DENND2C: variants seen among roughly 807,000 people sequenced by gnomAD.
DENND2C encodes the protein DENN domain containing 2C.
In DENND2C, 72 loss-of-function variants were observed where a neutral mutation model predicts 112.4. The observed-to-expected ratio is 0.64, with a 90% confidence interval of 0.53 to 0.78. The LOEUF is 0.78. DENND2C is among the 30% of genes least tolerant of loss of function. The pLI is 0.00. For missense variants in DENND2C, 992 were observed against 1,113.8 expected (o/e 0.89, Z 1.56); for synonymous variants, 329 against 381.6 (o/e 0.86, Z 1.61).
At chr1:114,638,144 A>G (rs533283934) in intron 3 of DENND2C, among the ~76,000 whole-genome samples, 9 of 152,274 alleles carry the variant, frequency 5.9e-5, no homozygotes, top group African/African-American at 2.2e-4. Context: ...ACCCACATAT[A>G]TATAGTCAAT....
In DENND2C at chr1:114,656,466, G is replaced by A. The variant is rs138007508; in HGVS notation, c.-573-1705C>T. 7.5e-3 allele frequency among the ~76,000 whole-genome samples: 1,119 copies of A among 149,356 alleles called. 8 individuals are homozygous for A. Among genetic ancestry groups the A allele is most frequent in the South Asian group, 0.027 (130 of 4,750 alleles). On this transcript the variant is annotated intron_variant, in intron 1 of 20. Coordinates refer to ENST00000393274, the MANE Select transcript of DENND2C (RefSeq NM_001256404.2). ...GGCTGGAGTGCAGTGGTGCGATCTC[G>A]GCTCACTGTAACCTCTGCCTCCTGG...
chr1:114,665,727 A>G (rs1657629348), intron 1 of DENND2C, among the ~76,000 whole-genome samples: 1 of 152,222 alleles, frequency 6.6e-6, no homozygotes, highest in Non-Finnish European at 1.5e-5. Context: ...TCAACTTTCA[A>G]TTAAAATCCA....
chr1:114,585,065 A>G lies in DENND2C; in HGVS notation c.*535T>C, dbSNP rs1302020940. 6.6e-6 allele frequency: 1 copy of G among 152,412 alleles called. No individual in the cohort carries two copies. Among genetic ancestry groups the G allele is most frequent in the African/African-American group, 2.4e-5 (1 of 41,438 alleles). 9.4% of individuals were successfully genotyped at this position (152,412 alleles called of 1,614,324 possible). On this transcript the variant is annotated 3_prime_UTR_variant, in exon 21 of 21. Coordinates refer to ENST00000393274, the MANE Select transcript of DENND2C (RefSeq NM_001256404.2). ...TCCTAAGTGAGATTCCCCTAGATAT[A>G]ATATAAGGCAAAACAATGGAGATAT...
chr1:114,666,393 C>T (rs760039858), intron 1 of DENND2C, among the ~76,000 whole-genome samples: 1 of 152,192 alleles, frequency 6.6e-6, no homozygotes, highest in Non-Finnish European at 1.5e-5. Context: ...AGTCCAAAGT[C>T]CTTAGCACGA....
intron 16 of DENND2C, among the ~76,000 whole-genome samples, chr1:114,598,723 C>T (rs1453418408): frequency 1.3e-5 from 2 of 152,158 alleles, no homozygotes; most frequent in African/African-American, 4.8e-5. Flanking sequence ...CCTCTGTCGC[C>T]CAGGTTGGAG....
At chr1:114,589,596 C>T (rs1282996712) in intron 18 of DENND2C, among the ~76,000 whole-genome samples, 5 of 151,376 alleles carry the variant, frequency 3.3e-5, no homozygotes, top group Non-Finnish European at 5.9e-5. Flanking sequence ...TGGTATTGAA[C>T]TTATCCTGCC....
rs750693175 is a variant in DENND2C at position 114,623,013 on chromosome 1, C to A, written c.1030G>T (p.Ala344Ser). The change falls in exon 6 of 21, where the codon GCT becomes TCT. Residue 344 changes from alanine to serine, a missense_variant. Ala to Ser is a moderately conservative substitution (Grantham distance 99, BLOSUM62 1). Coordinates refer to ENST00000393274, the MANE Select transcript of DENND2C (RefSeq NM_001256404.2). Reference protein sequence around the residue: ...RSPSAWKLPPAKSAFKAPKLP... With the variant: ...RSPSAWKLPPSKSAFKAPKLP... ...TTGGGTGCTTTAAAAGCACTTTTAG[C>A]GGGTGGTAGCTTCCATGCTGAAGGG... 4 of 1,612,730 alleles carry A rather than the reference C, an allele frequency of 2.5e-6. No homozygotes were observed. The highest frequency in any genetic ancestry group is 2.7e-5 in the African/African-American group (2 of 74,936).
intron 3 of DENND2C, among the ~76,000 whole-genome samples, chr1:114,641,712 C>A (rs1214554530): frequency 6.6e-6 from 1 of 152,116 alleles, no homozygotes; most frequent in Admixed American, 6.6e-5. Context: ...AAATAAACCT[C>A]TTTTCTTTAT....
Position 114,623,539 on chromosome 1 carries a change from T to C in DENND2C, c.911A>G (p.Gln304Arg), listed in dbSNP as rs745501012. The C allele has an allele frequency of 2.2e-5, 35 of 1,609,632 alleles. No individual in the cohort carries two copies. The highest frequency in any genetic ancestry group is 1.6e-4 in the East Asian group (7 of 44,606). Residue 304 changes from glutamine (Q) to arginine (R), a missense_variant, in exon 5 of 21, where the codon CAG (glutamine) becomes CGG (arginine). Around this residue, in one of 3 missense-constraint regions of DENND2C, gnomAD observed 470 missense variants for 472.7 expected, o/e 0.99. Coordinates refer to ENST00000393274, the MANE Select transcript of DENND2C (RefSeq NM_001256404.2). Reference sequence around the variant, plus strand: ...ATCTTCATAGATATTGTCCTCAGACTGTGTGTAATAAAGTGCTGACCCAGA... The same window carrying C: ...ATCTTCATAGATATTGTCCTCAGACCGTGTGTAATAAAGTGCTGACCCAGA... ...RNSGSALYYT[Q>R]SEDNIYEDII...
In DENND2C at chr1:114,625,835, AT is replaced by A; in HGVS notation, c.149del (p.Tyr50LeufsTer14). The A allele has an allele frequency of 6.2e-7, 1 of 1,614,078 alleles. No homozygotes were observed. The highest frequency in any genetic ancestry group is 1.1e-5 in the South Asian group (1 of 91,074). ...KWCPKDFGVR[Y>X]NCHQEIRLKK... ...TAAGACGGATCTCTTGGTGACAGTT[AT>A]ATCTCACTCCAAAGTCCTTTGGACA... On this transcript the variant is annotated frameshift_variant, in exon 4 of 21. Coordinates refer to ENST00000393274, the MANE Select transcript of DENND2C (RefSeq NM_001256404.2). LOFTEE classifies it high-confidence loss of function.
At chr1:114,647,186 A>T (rs1408752798) in intron 2 of DENND2C, among the ~76,000 whole-genome samples, 1 of 151,294 alleles carries the variant, frequency 6.6e-6, no homozygotes, top group Admixed American at 6.6e-5. Flanking sequence ...AGAGAGAGAG[A>T]GAGAGAATAT....
chr1:114,636,328 G>A (rs1209470283), intron 3 of DENND2C, among the ~76,000 whole-genome samples: 2 of 152,146 alleles, frequency 1.3e-5, no homozygotes, highest in African/African-American at 2.4e-5. Context: ...ATGGGAAAAA[G>A]GCAAGGATGT....
chr1:114,616,871 C>T (rs1221888523), intron 8 of DENND2C, among the ~76,000 whole-genome samples: 2 of 151,880 alleles, frequency 1.3e-5, no homozygotes, highest in South Asian at 2.1e-4. Flanking sequence ...AAAAGACATA[C>T]GTGAGACTGG....
At chr1:114,610,367 T>C (rs1219601130) in intron 9 of DENND2C, among the ~76,000 whole-genome samples, 2 of 152,206 alleles carry the variant, frequency 1.3e-5, no homozygotes, top group Non-Finnish European at 2.9e-5. Flanking sequence ...GTCAGAGATA[T>C]CAAAGTTACT....
At chr1:114,626,752 A>G (rs1656355367) in intron 3 of DENND2C, among the ~76,000 whole-genome samples, 1 of 151,926 alleles carries the variant, frequency 6.6e-6, no homozygotes, top group African/African-American at 2.4e-5. Flanking sequence ...AGTTCAAGCA[A>G]TCCACCCCCT....
At chr1:114,587,257 C>T (rs936942410) in intron 20 of DENND2C, 130 bp downstream of exon 20, 15 of 962,176 alleles carry the variant, frequency 1.6e-5, no homozygotes, top group East Asian at 2.4e-5. Context: ...ATGTTGCCCA[C>T]GCTGGTCTCA....
At chr1:114,650,383 G>T (rs1657120602) in intron 2 of DENND2C, among the ~76,000 whole-genome samples, 1 of 151,532 alleles carries the variant, frequency 6.6e-6, no homozygotes, top group South Asian at 2.1e-4. Flanking sequence ...TTCAGACTAT[G>T]GCTGGGTGCG....
intron 3 of DENND2C, among the ~76,000 whole-genome samples, chr1:114,629,389 C>T (rs191746924): frequency 8.5e-5 from 13 of 152,262 alleles, no homozygotes; most frequent in African/African-American, 2.9e-4. Context: ...ACAATTCTCC[C>T]GCCTCAGCCT....
intron 9 of DENND2C, among the ~76,000 whole-genome samples, chr1:114,609,549 C>A (rs1459685091): frequency 1.3e-5 from 2 of 152,192 alleles, no homozygotes; most frequent in African/African-American, 4.8e-5. Context: ...ACAGTCATAG[C>A]AATACCAATT....
Sources: allele counts gnomAD v4.1 joint callset (sites outside exome capture counted in the v4.1 genomes callset), GRCh38; gene constraint gnomAD v4.1.1; regional missense constraint gnomAD v4.1.1; transcripts MANE v1.5; gene names NCBI Gene and HGNC (gene_info 2026-07-23, HGNC 2026-07-21).